The following NEBL variants were observed in gnomAD, a reference collection of about 807,000 sequenced individuals.
NEBL encodes the protein nebulette.
NEBL carries 122 observed loss-of-function variants against 140.2 expected under a neutral mutation model. The ratio of observed to expected loss-of-function variants is 0.87; its 90% CI spans 0.75 to 1.01. The LOEUF (loss-of-function observed/expected upper bound fraction) is 1.01, where lower values mean the gene tolerates loss of function less well. Ranked by LOEUF, NEBL falls within the 50% of genes least tolerant of loss-of-function variation. The probability of loss-of-function intolerance (pLI) is 0.00; values close to 1 mark genes in which losing one functional copy is unlikely to be tolerated. For missense variants in NEBL, 1,365 were observed against 1,231.3 expected (o/e 1.11, Z -1.62); for synonymous variants, 436 against 398.9 (o/e 1.09, Z -1.11).
At chr10:21,197,986 T>C (rs1589325354) in intron 3 of NEBL, among the ~76,000 whole-genome samples, 2 of 151,782 alleles carry the variant, frequency 1.3e-5, no homozygotes, top group African/African-American at 4.8e-5. Flanking sequence ...GGTCTCCTCC[T>C]ATCTCTTCCC....
At chr10:21,287,983 G>A (rs1478882587) in intron 1 of NEBL, among the ~76,000 whole-genome samples, 1 of 152,144 alleles carries the variant, frequency 6.6e-6, no homozygotes, top group Non-Finnish European at 1.5e-5. Context: ...TTCCAGGCAA[G>A]CTATTAATCT....
chr10:20,809,867 G>A lies in NEBL; in HGVS notation c.2550C>T (p.Ser850=). 6.2e-7 allele frequency: 1 copy of A among 1,612,974 alleles called. No homozygotes were observed. The highest frequency in any genetic ancestry group is 1.7e-5 in the Admixed American group (1 of 59,904). ...DLKVWRTDPG[S]IFDLDPLEDN... is the part of the protein sequence containing the mutation. ...CTTCCAGGGGATCAAGGTCGAAGAT[G>A]GAGCCAGGATCTGTGCGCCAAACTT... Residue 850 remains serine (S), a synonymous_variant, in exon 25 of 28, where the codon TCC becomes TCT. Coordinates refer to ENST00000377122, the MANE Select transcript of NEBL (RefSeq NM_006393.3).
chr10:20,939,272 C>T (rs952874040), intron 4 of NEBL, among the ~76,000 whole-genome samples: 9 of 152,144 alleles, frequency 5.9e-5, no homozygotes, highest in Admixed American at 5.2e-4. Flanking sequence ...AGAGTGGGGG[C>T]CAATATTCAA....
At chr10:21,001,098 G>A (rs1488283361) in intron 3 of NEBL, among the ~76,000 whole-genome samples, 1 of 152,180 alleles carries the variant, frequency 6.6e-6, no homozygotes, top group African/African-American at 2.4e-5. Context: ...ACAGAAAGCA[G>A]CAGGTAAGAT....
Position 20,825,043 on chromosome 10 carries a change from C to T in NEBL, c.1869+1404G>A, listed in dbSNP as rs75821346. The stretch of plus-strand genomic sequence containing the variant: ...CATCCACACCTTAAGCCTAGGTCCT[C>T]CTTACACTTTATTCAAGAGACAGCT... On this transcript the variant is annotated intron_variant, in intron 18 of 27. Transcript: ENST00000377122. 7.7e-4 allele frequency among the ~76,000 whole-genome samples: 118 copies of T among 152,286 alleles called. No individual in the cohort carries two copies. In the East Asian group the frequency reaches 0.016, roughly 21 times the overall value.
chr10:20,973,638 T>C (rs552863618), intron 3 of NEBL, among the ~76,000 whole-genome samples: 20 of 152,188 alleles, frequency 1.3e-4, no homozygotes, highest in Non-Finnish European at 2.8e-4. Flanking sequence ...GTCCTGAGCC[T>C]CTTTCTCTTC....
At chr10:20,940,129 T>C (rs1398903788) in intron 4 of NEBL, among the ~76,000 whole-genome samples, 2 of 152,116 alleles carry the variant, frequency 1.3e-5, no homozygotes, top group Non-Finnish European at 2.9e-5. Flanking sequence ...CAACAGAATA[T>C]ACATTCTTCT....
chr10:21,261,182 A>T (rs1200861650), intron 1 of NEBL, among the ~76,000 whole-genome samples: 2 of 152,200 alleles, frequency 1.3e-5, no homozygotes, highest in Non-Finnish European at 2.9e-5. Flanking sequence ...CCCTGTCTGA[A>T]TACACATGAA....
At chr10:20,819,361 C>T in intron 20 of NEBL, 63 bp downstream of exon 20, 1 of 1,588,264 alleles carries the variant, frequency 6.3e-7, no homozygotes, top group Non-Finnish European at 8.6e-7. Context: ...TTCCAAAGGG[C>T]ATATTTTTAA....
At chr10:20,929,786 C>T (rs376202998) in intron 4 of NEBL, among the ~76,000 whole-genome samples, 24 of 152,008 alleles carry the variant, frequency 1.6e-4, no homozygotes, top group Non-Finnish European at 2.8e-4. Context: ...TGAAAAGTTA[C>T]GAAATGAGTA....
intron 3 of NEBL, among the ~76,000 whole-genome samples, chr10:21,209,801 G>A (rs1158386081): frequency 2.0e-5 from 3 of 151,994 alleles, no homozygotes; most frequent in Non-Finnish European, 4.4e-5. Flanking sequence ...CAGTGCCTGG[G>A]TCCAGAAGGG....
intron 1 of NEBL, among the ~76,000 whole-genome samples, chr10:21,276,790 G>T (rs1323373653): frequency 3.3e-5 from 5 of 152,152 alleles, no homozygotes; most frequent in Non-Finnish European, 7.3e-5. Context: ...CCAACATGGG[G>T]AAACCCCATC....
At chr10:20,861,598 T>G (rs564866886) in intron 7 of NEBL, among the ~76,000 whole-genome samples, 5 of 152,340 alleles carry the variant, frequency 3.3e-5, no homozygotes, top group African/African-American at 1.2e-4. Context: ...TGGTGGACTC[T>G]TCAACAGCCT....
chr10:20,890,095 A>G lies in NEBL; in HGVS notation c.154-146T>C, dbSNP rs1418950826. ...GACCTCAAAACAAGCCAAGTTAAATAAACGGCTATCCAGCACAGGATTGCA... is the reference window on the plus strand; with the variant it reads ...GACCTCAAAACAAGCCAAGTTAAATGAACGGCTATCCAGCACAGGATTGCA... On this transcript the variant is annotated intron_variant, in intron 2 of 27. Coordinates refer to ENST00000377122, the MANE Select transcript of NEBL (RefSeq NM_006393.3). 7 of 615,828 alleles carry G rather than the reference A, an allele frequency of 1.1e-5. No individual in the cohort carries two copies. In the East Asian group the frequency reaches 2.0e-4, roughly 17 times the overall value. 38.1% of individuals were successfully genotyped at this position (615,828 alleles called of 1,614,324 possible). A position where few individuals can be genotyped will look rare whatever the true frequency, so the allele number is the denominator to read the frequency against.
At chr10:20,832,729 TAGG>T (rs1429298275) in intron 14 of NEBL, among the ~76,000 whole-genome samples, 6 of 152,358 alleles carry the variant, frequency 3.9e-5, no homozygotes, top group African/African-American at 1.4e-4. Flanking sequence ...ATTTGCTTAT[TAGG>T]AGATCCTCAA....
rs1323869538 is a variant in NEBL, at chr10:20,934,376, A to G, written c.357+27296T>C. Among the ~76,000 whole-genome samples, 4 of 152,314 alleles carry G rather than the reference A, an allele frequency of 2.6e-5. No individual in the cohort carries two copies. The East Asian group carries it at 5.8e-4, about 22-fold the overall frequency. ...GTGCTTTTTGATCAGAGAGTGTGCC[A>G]CAGGGACTTACTAATGTGCACTAAC... is the stretch of plus-strand genomic sequence containing the variant. On this transcript the variant is annotated intron_variant, in intron 4 of 6. Coordinates refer to the NEBL transcript ENST00000417816.
At chr10:21,035,316 A>C (rs1298452400) in intron 2 of NEBL, among the ~76,000 whole-genome samples, 1 of 131,078 alleles carries the variant, frequency 7.6e-6, no homozygotes, top group Non-Finnish European at 1.6e-5. Flanking sequence ...ATTTATTCTG[A>C]TGCTCTCCTT....
intron 3 of NEBL, among the ~76,000 whole-genome samples, chr10:21,015,638 A>C (rs1838525393): frequency 1.3e-5 from 2 of 152,098 alleles, no homozygotes; most frequent in Non-Finnish European, 2.9e-5. Context: ...CAGCCTCCTG[A>C]GTAGCTGAGA....
intron 3 of NEBL, among the ~76,000 whole-genome samples, chr10:21,236,986 G>A (rs1231318964): frequency 1.3e-5 from 2 of 152,190 alleles, no homozygotes; most frequent in Admixed American, 6.5e-5. Flanking sequence ...TCACAGACTC[G>A]AATTCAGTAG....
Sources: gnomAD v4.1 joint callset for allele counts (sites outside exome capture counted in the v4.1 genomes callset) on GRCh38, gnomAD v4.1.1 for gene constraint, MANE v1.5 for transcripts, NCBI Gene and HGNC (gene_info 2026-07-23, HGNC 2026-07-21) for gene names.